The following FSTL5 variants were observed in gnomAD, a reference collection of about 807,000 sequenced individuals.
The protein encoded by FSTL5 is follistatin-related protein 5.
A neutral mutation model predicts 89.1 loss-of-function variants in FSTL5; 62 were observed. The ratio of observed to expected loss-of-function variants is 0.70; its 90% CI spans 0.57 to 0.86. The LOEUF is 0.86. Ranked by LOEUF, FSTL5 falls within the 40% of genes least tolerant of loss-of-function variation. FSTL5 has a pLI of 0.00. For missense variants in FSTL5, 1,057 were observed against 1,001.6 expected (o/e 1.06, Z -0.75); for synonymous variants, 383 against 346.2 (o/e 1.11, Z -1.18).
At chr4:161,887,925 C>A (rs1194992681) in intron 4 of FSTL5, among the ~76,000 whole-genome samples, 1 of 152,154 alleles carries the variant, frequency 6.6e-6, no homozygotes, top group South Asian at 2.1e-4. Context: ...TGTGCAATAT[C>A]ATTCAAGTTT....
intron 6 of FSTL5, among the ~76,000 whole-genome samples, chr4:161,668,515 T>A (rs2126695099): frequency 6.6e-6 from 1 of 152,332 alleles, no homozygotes; most frequent in Admixed American, 6.5e-5. Flanking sequence ...ACTCATTCTC[T>A]GAGACCATTA....
intron 9 of FSTL5, among the ~76,000 whole-genome samples, chr4:161,538,577 T>C: frequency 6.6e-6 from 1 of 152,316 alleles, no homozygotes. Flanking sequence ...AGGTATTTCA[T>C]ATTGATAAGT....
At chr4:161,688,206 T>C (rs995913751) in intron 6 of FSTL5, among the ~76,000 whole-genome samples, 1 of 152,094 alleles carries the variant, frequency 6.6e-6, no homozygotes, top group Non-Finnish European at 1.5e-5. Flanking sequence ...CCTCAGCCTC[T>C]GCGGTAGCTG....
At chr4:161,845,265 T>C (rs1731333347) in intron 4 of FSTL5, among the ~76,000 whole-genome samples, 2 of 152,334 alleles carry the variant, frequency 1.3e-5, no homozygotes, top group South Asian at 4.1e-4. Flanking sequence ...ATTGTTGTTT[T>C]TTTTGTTTGA....
intron 10 of FSTL5, among the ~76,000 whole-genome samples, chr4:161,534,954 C>CA (rs967117538): frequency 1.3e-5 from 2 of 151,854 alleles, no homozygotes; most frequent in South Asian, 2.1e-4. Flanking sequence ...ACAAAATAGA[C>CA]AAAAAAAGCA....
chr4:161,711,100 A>G (rs941521518), intron 6 of FSTL5, among the ~76,000 whole-genome samples: 6 of 151,966 alleles, frequency 3.9e-5, no homozygotes, highest in African/African-American at 1.4e-4. Context: ...TCTATGTAAT[A>G]TTTTTAATTA....
At chr4:161,563,519 A>C (rs544479759) in intron 8 of FSTL5, among the ~76,000 whole-genome samples, 132 of 152,038 alleles carry the variant, frequency 8.7e-4, no homozygotes, top group African/African-American at 3.0e-3. Flanking sequence ...AATTCATGTC[A>C]GCCTCCATTT....
chr4:161,406,961 GT>G (rs1731403502), intron 15 of FSTL5, among the ~76,000 whole-genome samples: 1 of 152,038 alleles, frequency 6.6e-6, no homozygotes, highest in South Asian at 2.1e-4. Flanking sequence ...TATATTCACT[GT>G]TTTTTATATG....
At chr4:162,082,144 G>C (rs1420821257) in intron 2 of FSTL5, among the ~76,000 whole-genome samples, 1 of 151,650 alleles carries the variant, frequency 6.6e-6, no homozygotes. Context: ...TGATTCTTGT[G>C]CCTTTATCAG....
chr4:161,901,633 A>C (rs1353816754), intron 4 of FSTL5, among the ~76,000 whole-genome samples: 1 of 152,154 alleles, frequency 6.6e-6, no homozygotes, highest in African/African-American at 2.4e-5. Flanking sequence ...AGAAAAAAAC[A>C]AGGGTAAGAC....
chr4:162,021,563 C>T (rs1486697113), intron 3 of FSTL5, among the ~76,000 whole-genome samples: 5 of 152,038 alleles, frequency 3.3e-5, no homozygotes, highest in Non-Finnish European at 4.4e-5. Flanking sequence ...CACAAATACA[C>T]ACACAAATAA....
At chr4:161,959,392 C>T (rs879369501) in intron 3 of FSTL5, among the ~76,000 whole-genome samples, 1 of 151,974 alleles carries the variant, frequency 6.6e-6, no homozygotes, top group Non-Finnish European at 1.5e-5. Flanking sequence ...TAAAGTCTTA[C>T]AGCTAACATC....
At chr4:162,004,668 T>C (rs1010981107) in intron 3 of FSTL5, among the ~76,000 whole-genome samples, 3 of 152,200 alleles carry the variant, frequency 2.0e-5, no homozygotes, top group Non-Finnish European at 4.4e-5. Context: ...CCAGACTTTT[T>C]ATTAAATAAA....
chr4:161,425,287 C>A (rs998380946), intron 15 of FSTL5, among the ~76,000 whole-genome samples: 6 of 152,034 alleles, frequency 3.9e-5, no homozygotes, highest in African/African-American at 1.4e-4. Flanking sequence ...ATATATATAT[C>A]TCCAGAAAAT....
At chr4:161,917,708 C>T (rs1159034716) in intron 4 of FSTL5, among the ~76,000 whole-genome samples, 2 of 152,032 alleles carry the variant, frequency 1.3e-5, no homozygotes, top group African/African-American at 4.8e-5. Context: ...TTTTAAAGTA[C>T]CAATAAACTT....
rs569564831 is a variant in FSTL5 at position 161,958,630 on chromosome 4, G to C, written c.161-37978C>G. Reference sequence around the variant, plus strand: ...AATCTTTTGCTTCTTGAATTATGAAGTATTCTATGCCGGATGCTGGAAAAA... The same window carrying C: ...AATCTTTTGCTTCTTGAATTATGAACTATTCTATGCCGGATGCTGGAAAAA... On this transcript the variant is annotated intron_variant, in intron 3 of 15. Coordinates refer to ENST00000306100, the MANE Select transcript of FSTL5 (RefSeq NM_020116.5). Among the ~76,000 whole-genome samples the C allele has an allele frequency of 1.9e-4, 29 of 152,196 alleles. No individual in the cohort carries two copies. In the East Asian group the frequency reaches 3.7e-3, roughly 19 times the overall value.
At chr4:161,578,482 G>C (rs1468742808) in intron 8 of FSTL5, among the ~76,000 whole-genome samples, 7 of 151,950 alleles carry the variant, frequency 4.6e-5, no homozygotes, top group Non-Finnish European at 1.5e-5. Context: ...TGATTTATGA[G>C]AAAATATCAA....
At chr4:161,887,452 C>G (rs1045596158) in intron 4 of FSTL5, among the ~76,000 whole-genome samples, 1 of 149,774 alleles carries the variant, frequency 6.7e-6, no homozygotes, top group Non-Finnish European at 1.5e-5. Flanking sequence ...CATCTATAAT[C>G]TATCAGTCTA....
intron 8 of FSTL5, among the ~76,000 whole-genome samples, chr4:161,550,554 CTTTTTTATTTAT>C (rs1260948948): frequency 7.1e-5 from 7 of 98,874 alleles, no homozygotes; most frequent in East Asian, 5.8e-4. Flanking sequence ...TCAGTAACTT[CTTTTTTATTTAT>C]TTATTTATTT....
Sources: allele counts gnomAD v4.1 joint callset (sites outside exome capture counted in the v4.1 genomes callset), GRCh38; gene constraint gnomAD v4.1.1; transcripts MANE v1.5; gene names NCBI Gene and HGNC (gene_info 2026-07-23, HGNC 2026-07-21).